SLC17A9: variants seen among roughly 807,000 people sequenced by gnomAD.
The protein encoded by SLC17A9 is voltage-gated purine nucleotide uniporter SLC17A9.
SLC17A9 carries 49 observed loss-of-function variants against 55.0 expected under a neutral mutation model. That is an observed-to-expected ratio of 0.89 (90% CI 0.71 to 1.13). SLC17A9 has a LOEUF of 1.13. Among genes scored for constraint, SLC17A9 ranks in the 50% most tolerant of loss-of-function variants. The pLI, the probability that SLC17A9 is intolerant of heterozygous loss-of-function variation, is 0.00. For synonymous variants in SLC17A9, 256 were observed against 247.4 expected (o/e 1.03, Z -0.32); for missense variants, 526 against 569.3 (o/e 0.92, Z 0.77).
intron 9 of SLC17A9, 107 bp from the exon 10 acceptor site, chr20:62,965,503 G>C (rs920880102): frequency 9.4e-7 from 1 of 1,064,138 alleles, no homozygotes; most frequent in African/African-American, 1.6e-5. Flanking sequence ...CAGCCAACCT[G>C]ACCGTTGTGC....
intron 11 of SLC17A9, 46 bp downstream of exon 11, chr20:62,966,626 G>A (rs375212323): frequency 9.9e-6 from 16 of 1,613,670 alleles, no homozygotes; most frequent in South Asian, 5.5e-5. Context: ...CTGGGCCTCC[G>A]GGTGGGTGAG....
rs944600067 is a variant in SLC17A9, at chr20:62,963,831, G to A, written c.822+151G>A. ...CCTGGCACTGCCAGGCTCTTCCTCT[G>A]GAGAGGACCCCGTCCATGCTCGGGG... On this transcript the variant is annotated intron_variant, in intron 7 of 12. Transcript: ENST00000370351. 7.5e-5 allele frequency: 54 copies of A among 715,592 alleles called. 1 individual carries two copies. Among genetic ancestry groups the A allele is most frequent in the East Asian group, 2.2e-4 (8 of 36,834 alleles). The allele number at this position is 715,592 out of a possible 1,614,324, so 44.3% of individuals were successfully genotyped here. A position where few individuals can be genotyped will look rare whatever the true frequency, so the allele number is the denominator to read the frequency against.
At position 62,957,612 on chromosome 20, in the gene SLC17A9, C is replaced by G. The variant is rs368089069; in HGVS notation, c.397+32C>G. 61 of 1,494,216 alleles carry G rather than the reference C, an allele frequency of 4.1e-5. No homozygotes were observed. In the African/African-American group the frequency reaches 8.1e-4, roughly 20 times the overall value. The allele number at this position is 1,494,216 out of a possible 1,614,324, so 92.6% of individuals were successfully genotyped here. ...GGAGCTCAGGCGGCTCCCTCACGCTCTCTGGCACCAGGTGGGGAGACAAGG... is the reference window on the plus strand; with the variant it reads ...GGAGCTCAGGCGGCTCCCTCACGCTGTCTGGCACCAGGTGGGGAGACAAGG... On this transcript the variant is annotated intron_variant, in intron 3 of 12. Transcript: ENST00000370351.
In SLC17A9 at chr20:62,958,427, G is replaced by A. The variant is rs914884652; in HGVS notation, c.397+847G>A. 6.6e-6 allele frequency among the ~76,000 whole-genome samples: 1 copy of A among 151,990 alleles called. No individual in the cohort carries two copies. Among genetic ancestry groups the A allele is most frequent in the Non-Finnish European group, 1.5e-5 (1 of 67,954 alleles). ...GTCAGGAGAACAAGGTGGGTGGGGG[G>A]GCCAAGGGGGCTTTGAGGGGCCCCT... is the stretch of plus-strand genomic sequence containing the variant. On this transcript the variant is annotated intron_variant, in intron 3 of 12. Transcript: ENST00000370351. This position sits in a 1 kb window ranked among gnomAD's most constrained non-coding sequence, Gnocchi z 4.1.
At chr20:62,960,994 GGGCC>G (rs2065585028) in intron 4 of SLC17A9, among the ~76,000 whole-genome samples, 1 of 152,024 alleles carries the variant, frequency 6.6e-6, no homozygotes, top group Non-Finnish European at 1.5e-5. Flanking sequence ...GGGCCAGGGT[GGGCC>G]TATCAGCTGG....
At chr20:62,963,740 A>G (rs2065610483) in intron 7 of SLC17A9, 60 bp downstream of exon 7, 2 of 1,470,932 alleles carry the variant, frequency 1.4e-6, no homozygotes, top group Non-Finnish European at 1.8e-6. Flanking sequence ...CTTGAGCTGC[A>G]CCAGGCACTG....
rs901977462 is a variant in SLC17A9, at chr20:62,958,577, G to T, written c.397+997G>T. On this transcript the variant is annotated intron_variant, in intron 3 of 12. Coordinates refer to ENST00000370351, the MANE Select transcript of SLC17A9 (RefSeq NM_022082.4). The surrounding 1 kb of genome is among the most constrained non-coding windows in gnomAD (Gnocchi z 4.1). ...CCCTGCCTGGGCCACTCCTCCCCCA[G>T]TGTCCTGGGCCATCCAGACCCCCCA... Among the ~76,000 whole-genome samples the T allele has an allele frequency of 4.6e-5, 7 of 151,964 alleles. No individual in the cohort carries two copies. The highest frequency in any genetic ancestry group is 1.4e-4 in the African/African-American group (6 of 41,384).
At chr20:62,957,412 A>G in intron 2 of SLC17A9, 29 bp from the exon 3 acceptor site, 1 of 1,555,360 alleles carries the variant, frequency 6.4e-7, no homozygotes, top group Non-Finnish European at 8.7e-7. Flanking sequence ...GCACAGCCAC[A>G]TCCTCACCTC....
intron 1 of SLC17A9, among the ~76,000 whole-genome samples, chr20:62,955,856 C>T (rs2147644629): frequency 6.6e-6 from 1 of 152,348 alleles, no homozygotes; most frequent in South Asian, 2.1e-4. Context: ...TGTGGTAACC[C>T]AGGGAGCAGC....
rs1239973576 is a variant in SLC17A9, at chr20:62,958,467, C to T, written c.397+887C>T. 6.6e-6 allele frequency among the ~76,000 whole-genome samples: 1 copy of T among 152,028 alleles called. No individual in the cohort carries two copies. Among genetic ancestry groups the T allele is most frequent in the Non-Finnish European group, 1.5e-5 (1 of 67,958 alleles). ...GAGGGGCCCCTACTTGGCTGGGGTC[C>T]CCTGGAGAAACAGCCAGGCCTCCAG... On this transcript the variant is annotated intron_variant, in intron 3 of 12. Coordinates refer to ENST00000370351, the MANE Select transcript of SLC17A9 (RefSeq NM_022082.4). The surrounding 1 kb of genome is among the most constrained non-coding windows in gnomAD (Gnocchi z 4.1).
Position 62,952,880 on chromosome 20 carries a change from A to G in SLC17A9, c.50A>G (p.Gln17Arg), listed in dbSNP as rs560535105. The change falls in exon 1 of 13, where the codon CAG becomes CGG. Residue 17 changes from glutamine (Q) to arginine (R), a missense_variant. Coordinates refer to ENST00000370351, the MANE Select transcript of SLC17A9 (RefSeq NM_022082.4). ...CGCAGGGACATGGCCGGGGACACCC[A>G]GTGGTCCAGGTGTGGCGGGGGTGAG... is the stretch of plus-strand genomic sequence containing the variant. ...EARRDMAGDTQWSRPECQAWT... is the reference protein window; with the variant it reads ...EARRDMAGDTRWSRPECQAWT... 2.1e-5 allele frequency: 20 copies of G among 964,538 alleles called. No homozygotes were observed. The African/African-American group carries it at 3.9e-4, about 19-fold the overall frequency. The allele number at this position is 964,538 out of a possible 1,614,324, so 59.7% of individuals were successfully genotyped here.
rs1312133632 is a variant in SLC17A9 at position 62,958,502 on chromosome 20, G to T, written c.397+922G>T. Among the ~76,000 whole-genome samples, 1 of 152,062 alleles carries T rather than the reference G, an allele frequency of 6.6e-6. No homozygotes were observed. The highest frequency in any genetic ancestry group is 1.5e-5 in the Non-Finnish European group (1 of 67,972). On this transcript the variant is annotated intron_variant, in intron 3 of 12. Coordinates refer to ENST00000370351, the MANE Select transcript of SLC17A9 (RefSeq NM_022082.4). This position sits in a 1 kb window ranked among gnomAD's most constrained non-coding sequence, Gnocchi z 4.1. ...ACAGCCAGGCCTCCAGCCTGCAGGG[G>T]CCTGCTGGCCCCAACCCAGCCTGCC... is the stretch of plus-strand genomic sequence containing the variant.
At position 62,958,770 on chromosome 20, in the gene SLC17A9, C is replaced by CT. The variant is rs780068880; in HGVS notation, c.397+1191dup. ...CACCCTCACTCCCCAAGGTTATGGC[C>CT]TGGAAGGTGCTGCCTGGGACTGTCT... On this transcript the variant is annotated intron_variant, in intron 3 of 12. Coordinates refer to ENST00000370351, the MANE Select transcript of SLC17A9 (RefSeq NM_022082.4). The surrounding 1 kb of genome is among the most constrained non-coding windows in gnomAD (Gnocchi z 4.1). 9.1e-4 allele frequency among the ~76,000 whole-genome samples: 139 copies of CT among 152,326 alleles called. 1 individual carries two copies. The highest frequency in any genetic ancestry group is 1.7e-3 in the Non-Finnish European group (114 of 68,014).
rs1344301054 is a variant in SLC17A9, at chr20:62,957,522, G to A, written c.339G>A (p.Leu113=). ...ITAVTPLLAH[L]SSAHLAFMTF... Reference sequence around the variant, plus strand: ...CCGTCACCCCACTGCTCGCCCACCTGAGCAGTGCCCACCTGGCCTTCATGA... The same window carrying A: ...CCGTCACCCCACTGCTCGCCCACCTAAGCAGTGCCCACCTGGCCTTCATGA... Residue 113 remains leucine (L), a synonymous_variant, in exon 3 of 13, where the codon CTG becomes CTA. Coordinates refer to ENST00000370351, the MANE Select transcript of SLC17A9 (RefSeq NM_022082.4). 4 of 1,609,582 alleles carry A rather than the reference G, an allele frequency of 2.5e-6. No individual in the cohort carries two copies. Among genetic ancestry groups the A allele is most frequent in the Non-Finnish European group, 3.4e-6 (4 of 1,178,528 alleles).
chr20:62,967,320 G>A lies in SLC17A9; in HGVS notation c.1148-17G>A. ...CTGCCCGGGAGCACTCAGCCCGCCT[G>A]GCCCTCTCTTGGGCAGGTGTCGTGG... On this transcript the variant is annotated splice_polypyrimidine_tract_variant and intron_variant, in intron 12 of 12. Transcript: ENST00000370351. 6.2e-7 allele frequency: 1 copy of A among 1,613,756 alleles called. No individual in the cohort carries two copies. Among genetic ancestry groups the A allele is most frequent in the East Asian group, 2.2e-5 (1 of 44,864 alleles).
At chr20:62,963,507 C>T (rs556361875) in intron 6 of SLC17A9, 77 bp from the exon 7 acceptor site, 74 of 1,517,206 alleles carry the variant, frequency 4.9e-5, no homozygotes, top group Non-Finnish European at 5.6e-5. Flanking sequence ...CCCCAGGGGA[C>T]GCCTCTCGGG....
chr20:62,965,743 C>T lies in SLC17A9; in HGVS notation c.1061+18C>T. The T allele has an allele frequency of 1.2e-6, 2 of 1,610,796 alleles. No homozygotes were observed. Among genetic ancestry groups the T allele is most frequent in the Non-Finnish European group, 1.7e-6 (2 of 1,177,626 alleles). On this transcript the variant is annotated intron_variant, in intron 10 of 12. Transcript: ENST00000370351. Reference sequence around the variant, plus strand: ...AACCACAGGTGAGGGCCGACTGCTCCATCCACCAGAGCGCCGTGCTGCCCG... The same window carrying T: ...AACCACAGGTGAGGGCCGACTGCTCTATCCACCAGAGCGCCGTGCTGCCCG...
chr20:62,953,316 G>A (rs1363198564), intron 1 of SLC17A9: 1 of 1,536,676 alleles, frequency 6.5e-7, no homozygotes, highest in Non-Finnish European at 8.8e-7. Context: ...GGGGTTGGGG[G>A]GGGTCCTGCC....
Position 62,962,779 on chromosome 20 carries a change from C to A in SLC17A9, c.628+25C>A, listed in dbSNP as rs746073606. ...GGTAACGCAGGCCGGGCGGGCTAGT[C>A]CCGGGCGCCCACAGCTGCCCAGTGC... On this transcript the variant is annotated intron_variant, in intron 5 of 12. Transcript: ENST00000370351. This position sits in a 1 kb window ranked among gnomAD's most constrained non-coding sequence, Gnocchi z 5.5. 1 of 1,611,570 alleles carries A rather than the reference C, an allele frequency of 6.2e-7. No individual in the cohort carries two copies. The highest frequency in any genetic ancestry group is 2.2e-5 in the East Asian group (1 of 44,822).
Sources: allele counts gnomAD v4.1 joint callset (sites outside exome capture counted in the v4.1 genomes callset), GRCh38; gene constraint gnomAD v4.1.1; non-coding constraint Gnocchi (gnomAD v3.1); transcripts MANE v1.5; gene names NCBI Gene and HGNC (gene_info 2026-07-23, HGNC 2026-07-21).